The following SGIP1 variants were observed in gnomAD, a reference collection of about 807,000 sequenced individuals.
The protein encoded by SGIP1 is SH3GL interacting endocytic adaptor 1.
In SGIP1, 38 loss-of-function variants were observed where a neutral mutation model predicts 107.5. The observed-to-expected ratio is 0.35, with a 90% CI of 0.27 to 0.46. The LOEUF (loss-of-function observed/expected upper bound fraction) is 0.46, where lower values mean the gene tolerates loss of function less well. Among genes scored for constraint, SGIP1 ranks in the 20% least tolerant of loss-of-function variants. SGIP1 has a pLI of 1.00. For missense variants in SGIP1, 929 were observed against 1,019.5 expected (o/e 0.91, Z 1.21); for synonymous variants, 365 against 366.1 (o/e 1.00, Z 0.03).
intron 4 of SGIP1, among the ~76,000 whole-genome samples, chr1:66,639,556 T>C (rs1411779874): frequency 6.6e-6 from 1 of 152,230 alleles, no homozygotes; most frequent in Non-Finnish European, 1.5e-5. Context: ...TCCTACAATC[T>C]TTTGTGAAAT....
chr1:66,684,312 G>A (rs575319088), intron 15 of SGIP1: 15 of 1,375,440 alleles, frequency 1.1e-5, no homozygotes, highest in East Asian at 2.5e-5. Flanking sequence ...CAGTGTCATC[G>A]ACAAGATCAC....
chr1:66,659,191 G>A (rs566134722), intron 7 of SGIP1, among the ~76,000 whole-genome samples: 8 of 152,244 alleles, frequency 5.3e-5, no homozygotes, highest in African/African-American at 1.4e-4. Context: ...AAATGATTCC[G>A]AGGATAGTGT....
At chr1:66,578,904 C>T (rs2061442127) in intron 1 of SGIP1, among the ~76,000 whole-genome samples, 1 of 151,944 alleles carries the variant, frequency 6.6e-6, no homozygotes, top group Non-Finnish European at 1.5e-5. Context: ...CTCCCAACCT[C>T]AGGAGATCCA....
At chr1:66,671,551 A>G (rs1040314244) in intron 10 of SGIP1, among the ~76,000 whole-genome samples, 3 of 152,222 alleles carry the variant, frequency 2.0e-5, no homozygotes, top group African/African-American at 7.2e-5. Flanking sequence ...ATTTCAAGAA[A>G]AGAACAGGCA....
At chr1:66,630,609 C>A (rs796183801) in intron 2 of SGIP1, among the ~76,000 whole-genome samples, 15 of 151,478 alleles carry the variant, frequency 9.9e-5, no homozygotes, top group African/African-American at 3.6e-4. Flanking sequence ...GAGTTTGAGA[C>A]CAGCCTGGCC....
chr1:66,558,109 T>TTATTCACCA (rs1460611871), intron 1 of SGIP1, among the ~76,000 whole-genome samples: 1 of 152,104 alleles, frequency 6.6e-6, no homozygotes, highest in African/African-American at 2.4e-5. Flanking sequence ...TCACAGAGTC[T>TTATTCACCA]TATTCACCAT....
intron 1 of SGIP1, among the ~76,000 whole-genome samples, chr1:66,559,305 T>C (rs1449944993): frequency 6.6e-6 from 1 of 152,104 alleles, no homozygotes; most frequent in Admixed American, 6.6e-5. Context: ...ATTTTTCAAA[T>C]ATTAGGGCAG....
chr1:66,619,368 G>A (rs2149252010), intron 1 of SGIP1, among the ~76,000 whole-genome samples: 1 of 152,328 alleles, frequency 6.6e-6, no homozygotes, highest in Admixed American at 6.5e-5. Flanking sequence ...AAGGAAGGTG[G>A]GTAAAAAAGA....
In SGIP1 at chr1:66,747,197, G is replaced by T. The variant is rs1469717479; in HGVS notation, c.*4102G>T. On this transcript the variant is annotated 3_prime_UTR_variant, in exon 25 of 25. Transcript: ENST00000371037. ...TGTATTGACAGCATAAACTTCTAGG[G>T]ATGAGATTTGGGAATATACATTTTG... 2 of 152,036 alleles carry T rather than the reference G, an allele frequency of 1.3e-5. No individual in the cohort carries two copies. The highest frequency in any genetic ancestry group is 4.8e-5 in the African/African-American group (2 of 41,434). The allele number at this position is 152,036 out of a possible 1,614,324, so 9.4% of individuals were successfully genotyped here.
intron 1 of SGIP1, among the ~76,000 whole-genome samples, chr1:66,545,744 G>A (rs2056244821): frequency 6.6e-6 from 1 of 151,752 alleles, no homozygotes. Context: ...GACTGGCATG[G>A]CAGGTCCAAA....
chr1:66,551,054 A>G (rs551339017), intron 1 of SGIP1, among the ~76,000 whole-genome samples: 12 of 152,170 alleles, frequency 7.9e-5, no homozygotes, highest in Non-Finnish European at 1.2e-4. Flanking sequence ...TACTGTTCCT[A>G]TTACATAGAT....
intron 23 of SGIP1, among the ~76,000 whole-genome samples, chr1:66,740,927 AAACT>A (rs1322835532): frequency 6.6e-6 from 1 of 152,198 alleles, no homozygotes; most frequent in Non-Finnish European, 1.5e-5. Context: ...CACATCAAAC[AAACT>A]ATCATTTAGG....
At chr1:66,733,495 A>G (rs1181991225) in intron 20 of SGIP1, among the ~76,000 whole-genome samples, 2 of 152,206 alleles carry the variant, frequency 1.3e-5, no homozygotes, top group Admixed American at 1.3e-4. Context: ...GCAATTAGTT[A>G]ATATTACTGA....
At chr1:66,700,932 C>T (rs1461641720) in intron 18 of SGIP1, among the ~76,000 whole-genome samples, 2 of 152,020 alleles carry the variant, frequency 1.3e-5, no homozygotes, top group Non-Finnish European at 2.9e-5. Context: ...AGGAAAAATA[C>T]GTTTCTGAAA....
chr1:66,663,085 G>T (rs916168210), intron 8 of SGIP1, among the ~76,000 whole-genome samples: 3 of 151,980 alleles, frequency 2.0e-5, no homozygotes, highest in South Asian at 2.1e-4. Context: ...AAAAAATCTG[G>T]ATGCTCATCA....
intron 1 of SGIP1, among the ~76,000 whole-genome samples, chr1:66,588,067 A>C (rs1229661030): frequency 6.6e-6 from 1 of 152,154 alleles, no homozygotes; most frequent in Non-Finnish European, 1.5e-5. Flanking sequence ...TCTTAAACTC[A>C]AAAACAAAAT....
chr1:66,703,674 T>C (rs543152260), intron 18 of SGIP1, among the ~76,000 whole-genome samples: 2 of 151,298 alleles, frequency 1.3e-5, no homozygotes, highest in African/African-American at 4.8e-5. Context: ...CTATATATTG[T>C]ATATCAGCTA....
At chr1:66,672,030 A>T in intron 11 of SGIP1, 35 bp downstream of exon 11, 1 of 1,602,382 alleles carries the variant, frequency 6.2e-7, no homozygotes, top group Non-Finnish European at 8.5e-7. Context: ...GTTTTATGCA[A>T]GGCATCATGA....
chr1:66,714,199 A>T (rs979979872), intron 18 of SGIP1, among the ~76,000 whole-genome samples: 1 of 152,162 alleles, frequency 6.6e-6, no homozygotes, highest in African/African-American at 2.4e-5. Context: ...TACTATCTTT[A>T]TACCATTTTA....
Sources: gnomAD v4.1 joint callset for allele counts (sites outside exome capture counted in the v4.1 genomes callset) on GRCh38, gnomAD v4.1.1 for gene constraint, MANE v1.5 for transcripts, NCBI Gene and HGNC (gene_info 2026-07-23, HGNC 2026-07-21) for gene names.